Variants in EXO1 observed in about 807,000 individuals in gnomAD.
The protein encoded by EXO1 is exonuclease 1.
A neutral mutation model predicts 84.5 loss-of-function variants in EXO1; 69 were observed. That is an observed-to-expected ratio of 0.82 (90% CI 0.67 to 1.00). EXO1 has a LOEUF of 1.00. Among genes scored for constraint, EXO1 ranks in the 50% least tolerant of loss-of-function variants. EXO1 has a pLI of 0.00. For synonymous variants in EXO1, 373 were observed against 366.1 expected (o/e 1.02, Z -0.21); for missense variants, 1,045 against 1,000.7 (o/e 1.04, Z -0.60).
In EXO1 at chr1:241,867,120, A is replaced by G. The variant is rs112879306; in HGVS notation, c.1267+65A>G. ...TCATATTTAAAGAAATCATTGCCCA[A>G]CGCAAAGTCGCGAAGATTTTCTCCT... On this transcript the variant is annotated intron_variant, in intron 11 of 15. Transcript: ENST00000366548. 84 of 1,226,328 alleles carry G rather than the reference A, an allele frequency of 6.8e-5. No homozygotes were observed. The African/African-American group carries it at 1.0e-3, about 15-fold the overall frequency. The allele number at this position is 1,226,328 out of a possible 1,614,324, so 76.0% of individuals were successfully genotyped here. A position where few individuals can be genotyped will look rare whatever the true frequency, so the allele number is the denominator to read the frequency against.
At chr1:241,868,769 A>G (rs1429762813) in intron 11 of EXO1, among the ~76,000 whole-genome samples, 5 of 152,210 alleles carry the variant, frequency 3.3e-5, no homozygotes, top group African/African-American at 1.2e-4. Flanking sequence ...TCATTCATTT[A>G]AGTCTTTAAT....
At chr1:241,867,432 C>T (rs1442564209) in intron 11 of EXO1, among the ~76,000 whole-genome samples, 1 of 152,154 alleles carries the variant, frequency 6.6e-6, no homozygotes, top group Non-Finnish European at 1.5e-5. Flanking sequence ...CACCATGATT[C>T]AGTTATCTCC....
At chr1:241,861,551 G>A (rs4149918) in intron 10 of EXO1, 49 bp downstream of exon 10, 123 of 995,398 alleles carry the variant, frequency 1.2e-4, no homozygotes, top group East Asian at 1.2e-3. Context: ...GTTATGTCCC[G>A]AGCTGTGATT....
At chr1:241,855,807 G>A (rs1377893665) in intron 6 of EXO1, among the ~76,000 whole-genome samples, 1 of 152,236 alleles carries the variant, frequency 6.6e-6, no homozygotes, top group Non-Finnish European at 1.5e-5. Flanking sequence ...TACATCCTCC[G>A]CAGCCGCTGG....
chr1:241,889,590 TATTC>T lies in EXO1; in HGVS notation c.2532_2535del (p.Phe845SerfsTer68). On this transcript the variant is annotated frameshift_variant, in exon 16 of 16. Transcript: ENST00000366548. LOFTEE classifies it high-confidence loss of function. Reference sequence around the variant, plus strand: ...GAATGTGGCCGTGTTCAAAGAGCAATATTCCAGTAAATGCAGACTGCTGCAAAGC... The same window carrying T: ...GAATGTGGCCGTGTTCAAAGAGCAATCAGTAAATGCAGACTGCTGCAAAGC... 6.2e-7 allele frequency: 1 copy of T among 1,614,006 alleles called. No individual in the cohort carries two copies. Among genetic ancestry groups the T allele is most frequent in the Non-Finnish European group, 8.5e-7 (1 of 1,179,934 alleles).
At chr1:241,879,940 G>A (rs545616900) in intron 13 of EXO1, among the ~76,000 whole-genome samples, 1 of 151,348 alleles carries the variant, frequency 6.6e-6, no homozygotes, top group Admixed American at 6.6e-5. Flanking sequence ...CTGGGAGGCG[G>A]AGGTTGCAGT....
rs1257025988 is a variant in EXO1 at position 241,861,440 on chromosome 1, C to T, written c.979C>T (p.Leu327Phe). 5 of 1,584,650 alleles carry T rather than the reference C, an allele frequency of 3.2e-6. No homozygotes were observed. The highest frequency in any genetic ancestry group is 4.3e-6 in the Non-Finnish European group (5 of 1,153,292). The change falls in exon 10 of 16, where the codon CTT becomes TTT. Residue 327 changes from leucine to phenylalanine, a missense_variant. Physicochemically the swap from Leu to Phe is conservative, Grantham distance 22. Coordinates refer to ENST00000366548, the MANE Select transcript of EXO1 (RefSeq NM_130398.4). ...TGATTCCATAGCTCTTCAAATAGCA[C>T]TTGGAAATAAAGATATAAATACTTT... ...VDDSIALQIALGNKDINTFEQ... is the reference protein window; with the variant it reads ...VDDSIALQIAFGNKDINTFEQ...
intron 14 of EXO1, among the ~76,000 whole-genome samples, 159 bp from the exon 15 acceptor site, chr1:241,885,155 C>T (rs1027104487): frequency 8.0e-5 from 12 of 150,926 alleles, no homozygotes; most frequent in African/African-American, 2.7e-4. Flanking sequence ...TGCAGTGAGC[C>T]GAGATCGCAC....
chr1:241,863,694 G>A (rs536611080), intron 10 of EXO1, among the ~76,000 whole-genome samples: 2 of 152,294 alleles, frequency 1.3e-5, no homozygotes, highest in East Asian at 1.9e-4. Flanking sequence ...CTTCAGTGAT[G>A]TAAACCTTAC....
At chr1:241,863,766 A>G (rs1661542217) in intron 10 of EXO1, among the ~76,000 whole-genome samples, 1 of 152,190 alleles carries the variant, frequency 6.6e-6, no homozygotes, top group South Asian at 2.1e-4. Context: ...GCCACTAGCC[A>G]TGTGTGGCTA....
chr1:241,871,229 GATACAGCTTTTTAAAA>G (rs1268260635), intron 11 of EXO1, among the ~76,000 whole-genome samples: 1 of 152,162 alleles, frequency 6.6e-6, no homozygotes, highest in African/African-American at 2.4e-5. Context: ...CTAATTTGCT[GATACAGCTTTTTAAAA>G]ATCTGTGCCT....
At chr1:241,850,766 TTTTC>T (rs1293333162) in intron 4 of EXO1, among the ~76,000 whole-genome samples, 180 bp downstream of exon 4, 1 of 152,098 alleles carries the variant, frequency 6.6e-6, no homozygotes, top group Non-Finnish European at 1.5e-5. Context: ...ATAGGCCTAG[TTTTC>T]TTTCTTTATA....
At chr1:241,870,525 C>T (rs1662027602) in intron 11 of EXO1, among the ~76,000 whole-genome samples, 1 of 152,214 alleles carries the variant, frequency 6.6e-6, no homozygotes, top group African/African-American at 2.4e-5. Context: ...GGCACTGTTT[C>T]AGTCCTGTGC....
At chr1:241,882,828 TGA>T (rs1662852890) in intron 14 of EXO1, among the ~76,000 whole-genome samples, 1 of 152,212 alleles carries the variant, frequency 6.6e-6, no homozygotes, top group Non-Finnish European at 1.5e-5. Flanking sequence ...TCATTTTTTA[TGA>T]GAGTATAGTG....
intron 6 of EXO1, among the ~76,000 whole-genome samples, 196 bp downstream of exon 6, chr1:241,853,677 T>A (rs1660791600): frequency 6.6e-6 from 1 of 151,672 alleles, no homozygotes; most frequent in Non-Finnish European, 1.5e-5. Flanking sequence ...TCCTAAGGCA[T>A]AAGTAAGGCT....
At chr1:241,877,786 A>AT (rs369727836) in intron 12 of EXO1, among the ~76,000 whole-genome samples, 238 of 150,000 alleles carry the variant, frequency 1.6e-3, no homozygotes, top group African/African-American at 5.6e-3. Flanking sequence ...TTTATGATTG[A>AT]TTTGAAAGAA....
chr1:241,880,748 A>G (rs1012900435), intron 13 of EXO1, among the ~76,000 whole-genome samples: 2 of 152,206 alleles, frequency 1.3e-5, no homozygotes, highest in South Asian at 2.1e-4. Flanking sequence ...ATCATTTTGA[A>G]TATCAGTTTT....
rs1387726735 is a variant in EXO1, at chr1:241,868,883, C to T, written c.1267+1828C>T. On this transcript the variant is annotated intron_variant, in intron 11 of 15. Coordinates refer to ENST00000366548, the MANE Select transcript of EXO1 (RefSeq NM_130398.4). ...TAAATAGTATTTTCAGTTTTGTTTT[C>T]TAGTTGTTCATTGATGGTATATAGA... Among the ~76,000 whole-genome samples the T allele has an allele frequency of 3.3e-5, 5 of 151,914 alleles. 1 individual carries two copies. Among genetic ancestry groups the T allele is most frequent in the Non-Finnish European group, 7.4e-5 (5 of 67,984 alleles).
chr1:241,881,908 G>A lies in EXO1; in HGVS notation c.2110-8G>A. The A allele has an allele frequency of 7.3e-7, 1 of 1,371,736 alleles. No homozygotes were observed. The highest frequency in any genetic ancestry group is 1.0e-6 in the Non-Finnish European group (1 of 966,140). The allele number at this position is 1,371,736 out of a possible 1,614,324, so 85.0% of individuals were successfully genotyped here. A position where few individuals can be genotyped will look rare whatever the true frequency, so the allele number is the denominator to read the frequency against. ...ATTTTATTTTATTTTTTGATCTGGG[G>A]ACTCTAGGAATCTGATTGCAATATT... is the stretch of plus-strand genomic sequence containing the variant. On this transcript the variant is annotated splice_region_variant and splice_polypyrimidine_tract_variant and intron_variant, in intron 13 of 15. Transcript: ENST00000366548.
Sources: allele counts gnomAD v4.1 joint callset (sites outside exome capture counted in the v4.1 genomes callset), GRCh38; gene constraint gnomAD v4.1.1; transcripts MANE v1.5; gene names NCBI Gene and HGNC (gene_info 2026-07-23, HGNC 2026-07-21).